EFHB: variants seen among roughly 807,000 people sequenced by gnomAD.
EFHB encodes EF-hand domain-containing family member B.
A neutral mutation model predicts 87.2 loss-of-function variants in EFHB; 91 were observed. The ratio of observed to expected loss-of-function variants is 1.04; its 90% confidence interval spans 0.88 to 1.24. The LOEUF is 1.24. Among genes scored for constraint, EFHB ranks in the 50% most tolerant of loss-of-function variants. The pLI is 0.00. For synonymous variants in EFHB, 325 were observed against 333.6 expected (o/e 0.97, Z 0.28); for missense variants, 1,084 against 998.8 (o/e 1.09, Z -1.15).
chr3:19,914,500 T>C (rs542329427), intron 5 of EFHB, among the ~76,000 whole-genome samples: 43 of 152,222 alleles, frequency 2.8e-4, no homozygotes, highest in African/African-American at 1.0e-3. Context: ...ATTCTAGTAA[T>C]ACGCTACTAG....
At chr3:19,893,430 C>T (rs1694371713) in intron 9 of EFHB, among the ~76,000 whole-genome samples, 1 of 152,232 alleles carries the variant, frequency 6.6e-6, no homozygotes, top group East Asian at 1.9e-4. Context: ...GAATGGGATA[C>T]CCTGATTTTG....
intron 9 of EFHB, among the ~76,000 whole-genome samples, 182 bp from the exon 10 acceptor site, chr3:19,888,833 A>G (rs77201443): frequency 1.6e-4 from 24 of 152,358 alleles, no homozygotes; most frequent in African/African-American, 5.8e-4. Context: ...TTACCATGAT[A>G]TGGGCTTGAC....
At chr3:19,937,611 T>A (rs535425497), upstream of EFHB, among the ~76,000 whole-genome samples, 1 of 152,228 alleles carries the variant, frequency 6.6e-6, no homozygotes, top group South Asian at 2.1e-4. Flanking sequence ...CATCTTTATG[T>A]CTACCACACT....
chr3:19,905,595 C>T, intron 6 of EFHB, 25 bp downstream of exon 6: 1 of 1,605,800 alleles, frequency 6.2e-7, no homozygotes, highest in Non-Finnish European at 8.5e-7. Context: ...ACACTTGTTC[C>T]TGGGCACAGT....
chr3:19,883,423 T>C (rs1260787520), intron 11 of EFHB, among the ~76,000 whole-genome samples: 1 of 152,244 alleles, frequency 6.6e-6, no homozygotes, highest in Non-Finnish European at 1.5e-5. Flanking sequence ...AGCATGTCTA[T>C]AAAAATCCAG....
At chr3:19,945,910 T>C (rs1392998339) in intron 1 of EFHB, 1 of 152,188 alleles carries the variant, frequency 6.6e-6, no homozygotes, top group Admixed American at 6.5e-5. Flanking sequence ...AACAGAGCTA[T>C]ACATTGTAAA....
intron 3 of EFHB, among the ~76,000 whole-genome samples, chr3:19,918,983 A>C (rs1254551840): frequency 1.3e-5 from 2 of 150,300 alleles, no homozygotes; most frequent in Non-Finnish European, 3.0e-5. Context: ...CAGTCTCAAA[A>C]AAAAAAAAAA....
chr3:19,910,633 G>A (rs1475248906), intron 5 of EFHB, among the ~76,000 whole-genome samples: 2 of 152,178 alleles, frequency 1.3e-5, no homozygotes, highest in Non-Finnish European at 2.9e-5. Context: ...GTTGAGTACA[G>A]CAGGACTTGG....
At chr3:19,939,399 T>TG (rs1696099974) in intron 1 of EFHB, among the ~76,000 whole-genome samples, 1 of 108,602 alleles carries the variant, frequency 9.2e-6, no homozygotes, top group African/African-American at 3.2e-5. Context: ...TTTTTTTTTT[T>TG]TGGGATGGAG....
At chr3:19,920,008 A>C (rs1190491759) in intron 2 of EFHB, 32 bp from the exon 3 acceptor site, 1 of 1,610,676 alleles carries the variant, frequency 6.2e-7, no homozygotes, top group East Asian at 2.2e-5. Flanking sequence ...AATAGTATTA[A>C]GTACAGTTTC....
intron 10 of EFHB, 132 bp from the exon 11 acceptor site, chr3:19,884,747 T>C: frequency 1.3e-6 from 1 of 775,344 alleles, no homozygotes; most frequent in Non-Finnish European, 2.0e-6. Flanking sequence ...ACCCCTCCAC[T>C]GACCCAACAC....
intron 4 of EFHB, among the ~76,000 whole-genome samples, chr3:19,917,242 T>C (rs1695264353): frequency 6.7e-6 from 1 of 149,196 alleles, no homozygotes; most frequent in Non-Finnish European, 1.5e-5. Flanking sequence ...TAAATATAAA[T>C]ATATATGTTT....
intron 1 of EFHB, among the ~76,000 whole-genome samples, chr3:19,945,231 A>AT (rs1405258425): frequency 6.6e-6 from 1 of 152,218 alleles, no homozygotes; most frequent in Non-Finnish European, 1.5e-5. Context: ...GAACAAATAA[A>AT]GAGTATGGGG....
rs748865515 is a variant in EFHB at position 19,933,895 on chromosome 3, G to T, written c.124C>A (p.Arg42=). The T allele has an allele frequency of 7.4e-6, 12 of 1,613,756 alleles. No homozygotes were observed. The highest frequency in any genetic ancestry group is 9.3e-6 in the Non-Finnish European group (11 of 1,179,822). The change falls in exon 1 of 13, where the codon CGA becomes AGA. Residue 42 remains arginine, a synonymous_variant. Transcript: ENST00000295824. ...CTAACCACAGGGCTCTCCCCGCATC[G>T]GGAATCTTCTTTTCCTAATCCTACT... The part of the protein sequence containing the change: ...IRVGLGKEDS[R]CGESPVVSNK...
chr3:19,891,743 A>G (rs1189936250), intron 9 of EFHB, among the ~76,000 whole-genome samples: 1 of 152,204 alleles, frequency 6.6e-6, no homozygotes, highest in African/African-American at 2.4e-5. Context: ...TACTCACCAT[A>G]AGCATGGGAA....
In EFHB at chr3:19,905,689, A is replaced by G; in HGVS notation, c.1349T>C (p.Val450Ala). 1 of 1,613,564 alleles carries G rather than the reference A, an allele frequency of 6.2e-7. No homozygotes were observed. The highest frequency in any genetic ancestry group is 2.2e-5 in the East Asian group (1 of 44,858). ...SSFHRCSVYG[V>A]PTPHFNDGRA... is the part of the protein sequence containing the mutation. ...TCCATCATTAAAATGTGGTGTTGGT[A>G]CTCCATACACACTACACCTATGGAA... is the stretch of plus-strand genomic sequence containing the variant. Residue 450 changes from valine to alanine, a missense_variant, in exon 6 of 13, where the codon GTA becomes GCA. Transcript: ENST00000295824.
At position 19,919,897 on chromosome 3, in the gene EFHB, C is replaced by G. The variant is rs200170380; in HGVS notation, c.932G>C (p.Arg311Thr). The G allele has an allele frequency of 5.0e-6, 8 of 1,613,752 alleles. No homozygotes were observed. In the African/African-American group the frequency reaches 9.3e-5, roughly 19 times the overall value. Residue 311 changes from arginine (R) to threonine (T), a missense_variant, in exon 3 of 13, where the codon AGA (arginine) becomes ACA (threonine). Arg to Thr is a moderately conservative substitution (Grantham distance 71, BLOSUM62 -1). Coordinates refer to ENST00000295824, the MANE Select transcript of EFHB (RefSeq NM_144715.4). ...PAGVERVFYG[R>T]ANDPQIAPYL... ...AGGTGCAATCTGGGGATCATTTGCTCTTCCGTAAAATACTCTTTCTACTCC... is the reference window on the plus strand; with the variant it reads ...AGGTGCAATCTGGGGATCATTTGCTGTTCCGTAAAATACTCTTTCTACTCC...
At chr3:19,901,364 TA>T (rs1273565430) in intron 6 of EFHB, among the ~76,000 whole-genome samples, 5 of 152,212 alleles carry the variant, frequency 3.3e-5, no homozygotes, top group Non-Finnish European at 5.9e-5. Context: ...TTAATAACAT[TA>T]AAATTAATAA....
chr3:19,896,810 C>G lies in EFHB; in HGVS notation c.1602G>C (p.Pro534=). The G allele has an allele frequency of 6.2e-7, 1 of 1,613,716 alleles. No homozygotes were observed. Among genetic ancestry groups the G allele is most frequent in the Non-Finnish European group, 8.5e-7 (1 of 1,179,820 alleles). Residue 534 remains proline, a synonymous_variant, in exon 9 of 13, where the codon CCG becomes CCC. Coordinates refer to ENST00000295824, the MANE Select transcript of EFHB (RefSeq NM_144715.4). ...GVGDLIHNRL[P]DEYLRGKDRQ... The stretch of plus-strand genomic sequence containing the variant: ...TATCCTTGCCTCGAAGATATTCATC[C>G]GGAAGTCTATTATGGATGAGATCAC...
Sources: gnomAD v4.1 joint callset for allele counts (sites outside exome capture counted in the v4.1 genomes callset) on GRCh38, gnomAD v4.1.1 for gene constraint, MANE v1.5 for transcripts, NCBI Gene and HGNC (gene_info 2026-07-23, HGNC 2026-07-21) for gene names.